Variants in RFTN1 observed in about 807,000 individuals in gnomAD.
The protein encoded by RFTN1 is raftlin.
Under a neutral mutation model 46.5 loss-of-function variants are expected in RFTN1, and 26 were observed. That is an observed-to-expected ratio of 0.56 (90% CI 0.41 to 0.78). The LOEUF is 0.78. Among genes scored for constraint, RFTN1 ranks in the 30% least tolerant of loss-of-function variants. The pLI is 0.00. For synonymous variants in RFTN1, 261 were observed against 284.2 expected (o/e 0.92, Z 0.82); for missense variants, 693 against 718.7 (o/e 0.96, Z 0.41).
intron 2 of RFTN1, among the ~76,000 whole-genome samples, chr3:16,456,712 C>G (rs1287943450): frequency 6.6e-6 from 1 of 152,150 alleles, no homozygotes; most frequent in Non-Finnish European, 1.5e-5. Flanking sequence ...AATATCCAAG[C>G]ACATATTAAT....
In RFTN1 at chr3:16,424,680, A is replaced by G. The variant is rs958980343; in HGVS notation, c.332+9171T>C. 6.6e-6 allele frequency among the ~76,000 whole-genome samples: 1 copy of G among 152,186 alleles called. No individual in the cohort carries two copies. Among genetic ancestry groups the G allele is most frequent in the African/African-American group, 2.4e-5 (1 of 41,438 alleles). Reference sequence around the variant, plus strand: ...TATCATATTTTCATATACTTATAGCATCTTTATAGCATTTACCTCTTTGTA... The same window carrying G: ...TATCATATTTTCATATACTTATAGCGTCTTTATAGCATTTACCTCTTTGTA... On this transcript the variant is annotated intron_variant, in intron 3 of 9. Coordinates refer to ENST00000334133, the MANE Select transcript of RFTN1 (RefSeq NM_015150.2). This position sits in a 1 kb window ranked among gnomAD's most constrained non-coding sequence, Gnocchi z 4.7.
Position 16,456,234 on chromosome 3 carries a change from G to A in RFTN1, c.146-22197C>T, listed in dbSNP as rs1167811171. On this transcript the variant is annotated intron_variant, in intron 2 of 9. Coordinates refer to ENST00000334133, the MANE Select transcript of RFTN1 (RefSeq NM_015150.2). ...CTAATCACACAGAAAAATGGATTCC[G>A]GCACTCGACAGGCTGCCTTATTAAC... Among the ~76,000 whole-genome samples, 10 of 152,130 alleles carry A rather than the reference G, an allele frequency of 6.6e-5. 1 individual carries two copies. Among genetic ancestry groups the A allele is most frequent in the Admixed American group, 6.5e-4 (10 of 15,282 alleles).
rs1393129700 is a variant in RFTN1 at position 16,483,923 on chromosome 3, T to G, written c.145+9802A>C. Reference sequence around the variant, plus strand: ...ACTTTGAGGATGGGGCCCAGGACTCTGCATTTTGACAAGCCCTCCAGGCTA... The same window carrying G: ...ACTTTGAGGATGGGGCCCAGGACTCGGCATTTTGACAAGCCCTCCAGGCTA... On this transcript the variant is annotated intron_variant, in intron 2 of 9. Coordinates refer to ENST00000334133, the MANE Select transcript of RFTN1 (RefSeq NM_015150.2). This position sits in a 1 kb window ranked among gnomAD's most constrained non-coding sequence, Gnocchi z 4.8. Among the ~76,000 whole-genome samples, 1 of 152,244 alleles carries G rather than the reference T, an allele frequency of 6.6e-6. No homozygotes were observed. Among genetic ancestry groups the G allele is most frequent in the Non-Finnish European group, 1.5e-5 (1 of 68,048 alleles).
intron 2 of RFTN1, among the ~76,000 whole-genome samples, chr3:16,477,629 G>A (rs534236619): frequency 3.3e-5 from 5 of 152,350 alleles, no homozygotes; most frequent in South Asian, 2.1e-4. Context: ...TGACGGCAGC[G>A]ACCAGATGCT....
At chr3:16,470,991 T>C (rs895025173) in intron 2 of RFTN1, among the ~76,000 whole-genome samples, 6 of 152,134 alleles carry the variant, frequency 3.9e-5, no homozygotes, top group South Asian at 2.1e-4. Context: ...AGGTAAAATA[T>C]GCAAGCAAAA....
In RFTN1 at chr3:16,317,404, C is replaced by T. The variant is rs2068523500; in HGVS notation, c.1333-172G>A. Among the ~76,000 whole-genome samples the T allele has an allele frequency of 6.6e-6, 1 of 152,058 alleles. No homozygotes were observed. The highest frequency in any genetic ancestry group is 6.5e-5 in the Admixed American group (1 of 15,286). On this transcript the variant is annotated intron_variant, in intron 9 of 9. Coordinates refer to ENST00000334133, the MANE Select transcript of RFTN1 (RefSeq NM_015150.2). The surrounding 1 kb of genome is among the most constrained non-coding windows in gnomAD (Gnocchi z 4.3). Reference sequence around the variant, plus strand: ...ACTTGAATCGCACACTATCACATCACACCCACCCCAAGAGCCTGCACCACA... The same window carrying T: ...ACTTGAATCGCACACTATCACATCATACCCACCCCAAGAGCCTGCACCACA...
chr3:16,408,056 C>T (rs552251168), intron 4 of RFTN1, among the ~76,000 whole-genome samples: 7 of 152,302 alleles, frequency 4.6e-5, no homozygotes, highest in Non-Finnish European at 8.8e-5. Context: ...TTCCTCTCAA[C>T]GGCTTCCCGC....
chr3:16,368,109 G>T (rs900302766), intron 6 of RFTN1, among the ~76,000 whole-genome samples: 1 of 151,554 alleles, frequency 6.6e-6, no homozygotes, highest in African/African-American at 2.4e-5. Context: ...CCCAAGATGG[G>T]CAATGTGGTG....
chr3:16,420,821 A>G (rs2125467846), intron 3 of RFTN1, among the ~76,000 whole-genome samples: 1 of 152,332 alleles, frequency 6.6e-6, no homozygotes, highest in Admixed American at 6.5e-5. Context: ...CTGTTCTCAA[A>G]CTTTAATGTA....
chr3:16,494,413 T>G (rs867650104), intron 1 of RFTN1, among the ~76,000 whole-genome samples: 6 of 152,130 alleles, frequency 3.9e-5, no homozygotes, highest in South Asian at 2.1e-4. Flanking sequence ...AAGTAGATGG[T>G]GGTATTTTTA....
rs1291210671 is a variant in RFTN1 at position 16,381,735 on chromosome 3, G to C, written c.442-3633C>G. Among the ~76,000 whole-genome samples, 1 of 152,148 alleles carries C rather than the reference G, an allele frequency of 6.6e-6. No homozygotes were observed. The highest frequency in any genetic ancestry group is 1.5e-5 in the Non-Finnish European group (1 of 68,022). ...ACAGTATGCAACAGCCTGGTGTGTT[G>C]AGGAAATTTCTAGAAATATTTCTGG... On this transcript the variant is annotated intron_variant, in intron 4 of 9. Coordinates refer to ENST00000334133, the MANE Select transcript of RFTN1 (RefSeq NM_015150.2). The surrounding 1 kb of genome is among the most constrained non-coding windows in gnomAD (Gnocchi z 4.2).
intron 4 of RFTN1, among the ~76,000 whole-genome samples, chr3:16,394,273 A>G (rs999719159): frequency 6.6e-6 from 1 of 152,114 alleles, no homozygotes; most frequent in African/African-American, 2.4e-5. Context: ...GCTGCTTGGG[A>G]GGCTGAGCAG....
intron 9 of RFTN1, among the ~76,000 whole-genome samples, chr3:16,319,326 A>C (rs555948): frequency 0.32 from 48,798 of 152,118 alleles, 8,754 homozygotes; most frequent in Non-Finnish European, 0.39. Context: ...AAGAGGCCTT[A>C]AGTGCTAAAA....
intron 2 of RFTN1, among the ~76,000 whole-genome samples, chr3:16,436,663 AC>A (rs995669187): frequency 1.3e-5 from 2 of 151,392 alleles, no homozygotes; most frequent in African/African-American, 4.9e-5. Flanking sequence ...TGAATTGAAC[AC>A]CCCCCCACCA....
rs768041397 is a variant in RFTN1 at position 16,385,075 on chromosome 3, C to T, written c.442-6973G>A. ...CCCTCCCTCATAACTCACACGCCCC[C>T]GATCCGTGACAACATAGCACAGCAC... is the stretch of plus-strand genomic sequence containing the variant. On this transcript the variant is annotated intron_variant, in intron 4 of 9. Transcript: ENST00000334133. The surrounding 1 kb of genome is among the most constrained non-coding windows in gnomAD (Gnocchi z 5.0). Among the ~76,000 whole-genome samples, 22 of 152,296 alleles carry T rather than the reference C, an allele frequency of 1.4e-4. No individual in the cohort carries two copies. Among genetic ancestry groups the T allele is most frequent in the African/African-American group, 1.9e-4 (8 of 41,550 alleles).
intron 1 of RFTN1, among the ~76,000 whole-genome samples, chr3:16,502,187 C>T (rs1213200879): frequency 1.3e-5 from 2 of 151,938 alleles, no homozygotes; most frequent in African/African-American, 4.8e-5. Flanking sequence ...GGCAACATGG[C>T]AAGACTCTGT....
rs887081455 is a variant in RFTN1, at chr3:16,383,637, C to T, written c.442-5535G>A. Among the ~76,000 whole-genome samples the T allele has an allele frequency of 4.6e-5, 7 of 151,952 alleles. No individual in the cohort carries two copies. Among genetic ancestry groups the T allele is most frequent in the African/African-American group, 7.3e-5 (3 of 41,344 alleles). ...AATACCATGTTGCTAATGATAAGTG[C>T]GATATATACTCTATGTGCATGCGAA... On this transcript the variant is annotated intron_variant, in intron 4 of 9. Transcript: ENST00000334133. This position sits in a 1 kb window ranked among gnomAD's most constrained non-coding sequence, Gnocchi z 4.0.
At chr3:16,366,893 C>T (rs189820497) in intron 6 of RFTN1, among the ~76,000 whole-genome samples, 74 of 152,300 alleles carry the variant, frequency 4.9e-4, no homozygotes, top group Admixed American at 2.5e-3. Context: ...CCCAAGACAC[C>T]GGGTCATTCT....
rs552511279 is a variant in RFTN1, at chr3:16,402,128, C to T, written c.441+7247G>A. 6.6e-6 allele frequency among the ~76,000 whole-genome samples: 1 copy of T among 152,232 alleles called. No homozygotes were observed. The highest frequency in any genetic ancestry group is 1.5e-5 in the Non-Finnish European group (1 of 68,042). ...TCACCTCTCTGCCCCCAGGGCTCCT[C>T]ATGCTGTGTTCTTGGTCCTTACAGA... On this transcript the variant is annotated intron_variant, in intron 4 of 9. Coordinates refer to ENST00000334133, the MANE Select transcript of RFTN1 (RefSeq NM_015150.2). The surrounding 1 kb of genome is among the most constrained non-coding windows in gnomAD (Gnocchi z 4.5).
Sources: gnomAD v4.1 joint callset for allele counts (sites outside exome capture counted in the v4.1 genomes callset) on GRCh38, gnomAD v4.1.1 for gene constraint, Gnocchi (gnomAD v3.1) non-coding constraint, MANE v1.5 for transcripts, NCBI Gene and HGNC (gene_info 2026-07-23, HGNC 2026-07-21) for gene names.